TXNL4A: variants seen among roughly 807,000 people sequenced by gnomAD.
TXNL4A encodes the protein thioredoxin-like protein 4A.
Under a neutral mutation model 14.6 loss-of-function variants are expected in TXNL4A, and 17 were observed. That is an observed-to-expected ratio of 1.16 (90% CI 0.80 to 1.74). The LOEUF (loss-of-function observed/expected upper bound fraction) is 1.74. Ranked by LOEUF, TXNL4A falls within the 40% of genes most tolerant of loss-of-function variation. The pLI is 0.00. For synonymous variants in TXNL4A, 83 were observed against 70.6 expected (o/e 1.18, Z -0.88); for missense variants, 74 against 195.2 (o/e 0.38, Z 3.70).
At chr18:80,026,709 A>G (rs542170926) in intron 1 of TXNL4A, among the ~76,000 whole-genome samples, 2 of 149,512 alleles carry the variant, frequency 1.3e-5, no homozygotes, top group South Asian at 4.5e-4. Context: ...CCCACCACAG[A>G]CTCTAAGTGT....
intron 2 of TXNL4A, among the ~76,000 whole-genome samples, chr18:79,974,169 A>G (rs2051343954): frequency 6.6e-6 from 1 of 152,132 alleles, no homozygotes; most frequent in South Asian, 2.1e-4. Context: ...TCCCAACTCT[A>G]TGGGAGGCTG....
chr18:79,996,869 G>C (rs920916317), intron 1 of TXNL4A, among the ~76,000 whole-genome samples: 1 of 152,216 alleles, frequency 6.6e-6, no homozygotes, highest in African/African-American at 2.4e-5. Context: ...CTTGAACCCA[G>C]GAGGCGGAGG....
rs573096059 is a variant in TXNL4A, at chr18:80,006,101, C to T, written c.-61+27750G>A. Among the ~76,000 whole-genome samples, 7 of 151,488 alleles carry T rather than the reference C, an allele frequency of 4.6e-5. 1 individual carries two copies. Among genetic ancestry groups the T allele is most frequent in the African/African-American group, 1.2e-4 (5 of 41,330 alleles). The stretch of plus-strand genomic sequence containing the variant: ...ATAGACCTTATCTCTAAAAAATAAA[C>T]AAGGCCAGGTGTGGTGGCTCACGCC... On this transcript the variant is annotated intron_variant, in intron 1 of 2. Coordinates refer to the TXNL4A transcript ENST00000585474.
At chr18:79,989,932 G>A (rs1241711892), upstream of TXNL4A, among the ~76,000 whole-genome samples, 2 of 152,182 alleles carry the variant, frequency 1.3e-5, no homozygotes, top group Non-Finnish European at 2.9e-5. Context: ...GGGGGTGGAG[G>A]TTGCAGTGAG....
chr18:80,023,974 A>C (rs2051867034), intron 1 of TXNL4A, among the ~76,000 whole-genome samples: 1 of 152,160 alleles, frequency 6.6e-6, no homozygotes, highest in African/African-American at 2.4e-5. Context: ...TTGTCTTGTC[A>C]CTTTCTTCGA....
chr18:80,027,879 C>G (rs191725350), intron 1 of TXNL4A, among the ~76,000 whole-genome samples: 68 of 152,284 alleles, frequency 4.5e-4, no homozygotes, highest in Non-Finnish European at 9.1e-4. Context: ...TTTCCCAATG[C>G]CTGTGACTAA....
Position 80,015,412 on chromosome 18 carries a change from C to G in TXNL4A, c.-61+18439G>C, listed in dbSNP as rs563081527. 1.7e-4 allele frequency among the ~76,000 whole-genome samples: 25 copies of G among 150,710 alleles called. 1 individual carries two copies. The South Asian group carries it at 2.9e-3, about 18-fold the overall frequency. ...TTTTAGGGTACATGTGCACAATGTG[C>G]AAGTCAGTTACATATGTATACATGT... On this transcript the variant is annotated intron_variant, in intron 1 of 2. Transcript: ENST00000585474.
chr18:80,023,515 A>C (rs946688265), intron 1 of TXNL4A, among the ~76,000 whole-genome samples: 2 of 151,774 alleles, frequency 1.3e-5, no homozygotes, highest in African/African-American at 4.8e-5. Context: ...CATGCCCCCC[A>C]CCCCCATGCA....
chr18:80,024,503 A>T (rs1293352987), intron 1 of TXNL4A, among the ~76,000 whole-genome samples: 1 of 152,016 alleles, frequency 6.6e-6, no homozygotes, highest in Non-Finnish European at 1.5e-5. Context: ...TATATGTTTC[A>T]GTCCTTTCCC....
intron 1 of TXNL4A, among the ~76,000 whole-genome samples, chr18:79,984,021 T>C (rs534895265): frequency 2.6e-5 from 4 of 152,284 alleles, no homozygotes; most frequent in Admixed American, 6.5e-5. Flanking sequence ...TCATACCTTG[T>C]GGCTAGAGTC....
intron 2 of TXNL4A, among the ~76,000 whole-genome samples, 178 bp from the exon 3 acceptor site, chr18:79,974,034 T>G (rs1441684869): frequency 6.6e-6 from 1 of 152,208 alleles, no homozygotes; most frequent in East Asian, 1.9e-4. Context: ...TAAATGTGTT[T>G]TTAAAGATGC....
chr18:80,023,994 G>A (rs143222881), intron 1 of TXNL4A, among the ~76,000 whole-genome samples: 13 of 152,260 alleles, frequency 8.5e-5, no homozygotes, highest in East Asian at 1.9e-4. Context: ...ATTGACATCC[G>A]GTAACCACGA....
chr18:79,992,961 A>C (rs1436879949), upstream of TXNL4A, among the ~76,000 whole-genome samples: 2 of 150,616 alleles, frequency 1.3e-5, no homozygotes, highest in East Asian at 3.9e-4. Flanking sequence ...CTCTTATGTG[A>C]AATTTGTGTA....
chr18:80,032,791 G>A (rs1312053726), intron 1 of TXNL4A, among the ~76,000 whole-genome samples: 2 of 152,216 alleles, frequency 1.3e-5, no homozygotes. Context: ...AGTGAGCCGG[G>A]ATCACGCCAG....
intron 1 of TXNL4A, among the ~76,000 whole-genome samples, chr18:80,026,651 C>T (rs1001784269): frequency 5.3e-5 from 8 of 152,174 alleles, no homozygotes; most frequent in African/African-American, 9.7e-5. Context: ...AACAATCTTA[C>T]GTTTTAAGTA....
intron 1 of TXNL4A, among the ~76,000 whole-genome samples, chr18:80,021,323 C>A (rs1004924590): frequency 6.6e-6 from 1 of 152,054 alleles, no homozygotes; most frequent in Non-Finnish European, 1.5e-5. Context: ...ACTATGGGCA[C>A]CCGCCACCAT....
rs2051304756 is a variant in TXNL4A at position 79,971,756 on chromosome 18, TGTAG to T, written c.*1925_*1928del. On this transcript the variant is annotated 3_prime_UTR_variant, in exon 3 of 3. Transcript: ENST00000269601. ...CGATCTTTTTGTATCTAGCCGAACT[TGTAG>T]GTGTGAAGTGGCGTCTCACTGTGGT... 6.6e-6 allele frequency: 1 copy of T among 152,210 alleles called. No homozygotes were observed. The highest frequency in any genetic ancestry group is 2.4e-5 in the African/African-American group (1 of 41,462). 9.4% of individuals were successfully genotyped at this position (152,210 alleles called of 1,614,324 possible). A position where few individuals can be genotyped will look rare whatever the true frequency, so the allele number is the denominator to read the frequency against.
rs1247355045 is a variant in TXNL4A, at chr18:80,033,294, CA to C, written c.-61+556del. On this transcript the variant is annotated intron_variant, in intron 1 of 2. Coordinates refer to the TXNL4A transcript ENST00000585474. ...ACACATGTACACATCCACACGCGCC[CA>C]CACACACACACACACACAGACGTGT... Among the ~76,000 whole-genome samples, 6 of 9,206 alleles carry C rather than the reference CA, an allele frequency of 6.5e-4. No individual in the cohort carries two copies. In the Admixed American group the frequency reaches 7.0e-3, roughly 11 times the overall value. 6.0% of individuals were successfully genotyped at this position (9,206 alleles called of 152,430 possible). A position where few individuals can be genotyped will look rare whatever the true frequency, so the allele number is the denominator to read the frequency against.
Position 79,987,434 on chromosome 18 carries a change from A to G in TXNL4A, c.153+806T>C, listed in dbSNP as rs143995773. On this transcript the variant is annotated intron_variant, in intron 1 of 2. Transcript: ENST00000269601. ...AGCTTCAATGTTACTTTTACTCTTC[A>G]TTAAAAGGAATAACCTCTCAAATTA... 5.1e-3 allele frequency among the ~76,000 whole-genome samples: 781 copies of G among 152,328 alleles called. 5 individuals carry two copies. Among genetic ancestry groups the G allele is most frequent in the African/African-American group, 0.018 (734 of 41,564 alleles).
Sources: allele counts gnomAD v4.1 joint callset (sites outside exome capture counted in the v4.1 genomes callset), GRCh38; gene constraint gnomAD v4.1.1; transcripts MANE v1.5; gene names NCBI Gene and HGNC (gene_info 2026-07-23, HGNC 2026-07-21).